The following SMCHD1 variants were observed in gnomAD, a reference collection of about 807,000 sequenced individuals.
SMCHD1 encodes structural maintenance of chromosomes flexible hinge domain containing 1, also known as structural maintenance of chromosomes flexible hinge domain-containing protein 1.
Under a neutral mutation model 254.7 loss-of-function variants are expected in SMCHD1, and 78 were observed. That is an observed-to-expected ratio of 0.31 (90% CI 0.26 to 0.37). The LOEUF is 0.37. Among genes scored for constraint, SMCHD1 ranks in the 10% least tolerant of loss-of-function variants. The pLI, the probability that SMCHD1 is intolerant of heterozygous loss-of-function variation, is 1.00. For synonymous variants in SMCHD1, 766 were observed against 794.9 expected, an observed-to-expected ratio of 0.96 and a Z score of 0.61; for missense variants, 1,840 against 2,408.1, an observed-to-expected ratio of 0.76 and a Z score of 4.94.
At chr18:2,795,878 A>AT (rs1403099436) in intron 45 of SMCHD1, 71 bp from the exon 46 acceptor site, 2 of 1,380,462 alleles carry the variant, frequency 1.4e-6, no homozygotes, top group African/African-American at 1.5e-5. Context: ...AGTGTTGCTC[A>AT]TTTTTTCCCC....
At chr18:2,799,521 A>T (rs2076322034) in intron 47 of SMCHD1, among the ~76,000 whole-genome samples, 1 of 152,066 alleles carries the variant, frequency 6.6e-6, no homozygotes, top group African/African-American at 2.4e-5. Flanking sequence ...AAGTTACATT[A>T]TTATGACTAT....
At position 2,755,565 on chromosome 18, in the gene SMCHD1, C is replaced by CTTTTT. The variant is rs11413061; in HGVS notation, c.4346+3029_4346+3033dup. 5.0e-3 allele frequency among the ~76,000 whole-genome samples: 536 copies of CTTTTT among 108,138 alleles called. 1 individual carries two copies. The highest frequency in any genetic ancestry group is 9.9e-3 in the East Asian group (35 of 3,536). 70.9% of individuals were successfully genotyped at this position (108,138 alleles called of 152,430 possible). On this transcript the variant is annotated intron_variant, in intron 34 of 47. Coordinates refer to ENST00000320876, the MANE Select transcript of SMCHD1 (RefSeq NM_015295.3). ...TTGTGTATTTTCTTTTTCTTTCTTT[C>CTTTTT]TTTTTTTTTTTTTTTTTTTTGAGAT...
At chr18:2,770,947 G>A (rs1044041726) in intron 39 of SMCHD1, among the ~76,000 whole-genome samples, 3 of 152,104 alleles carry the variant, frequency 2.0e-5, no homozygotes, top group African/African-American at 7.2e-5. Context: ...TCTTAATAAT[G>A]TTTCATATAA....
chr18:2,764,794 A>C (rs1413144142), intron 37 of SMCHD1, among the ~76,000 whole-genome samples: 1 of 152,190 alleles, frequency 6.6e-6, no homozygotes, highest in Non-Finnish European at 1.5e-5. Context: ...CATGGATTTG[A>C]GTATCTATGG....
intron 17 of SMCHD1, 87 bp downstream of exon 17, chr18:2,708,007 T>C (rs1167553135): frequency 6.3e-6 from 5 of 798,604 alleles, no homozygotes; most frequent in Non-Finnish European, 7.4e-6. Flanking sequence ...ATTGATGACC[T>C]AGCAATCTGA....
At chr18:2,671,817 C>G (rs2073614912) in intron 3 of SMCHD1, among the ~76,000 whole-genome samples, 1 of 152,008 alleles carries the variant, frequency 6.6e-6, no homozygotes, top group South Asian at 2.1e-4. Context: ...CCAGGATGGT[C>G]TTGATCTTCT....
chr18:2,747,963 CAG>C (rs1368713989), intron 30 of SMCHD1, among the ~76,000 whole-genome samples: 5 of 152,200 alleles, frequency 3.3e-5, no homozygotes, highest in Admixed American at 1.3e-4. Context: ...TGAATGAAGA[CAG>C]ATATCACAGT....
chr18:2,802,682 G>T lies in SMCHD1; in HGVS notation c.*130G>T. On this transcript the variant is annotated 3_prime_UTR_variant, in exon 48 of 48. Transcript: ENST00000320876. ...GGGGACAATACAAGTACCTGGGCAT[G>T]AATTTCCATTTCGATTCAGATGGGA... is the stretch of plus-strand genomic sequence containing the variant. The T allele has an allele frequency of 1.4e-6, 1 of 735,090 alleles. No homozygotes were observed. The highest frequency in any genetic ancestry group is 3.1e-5 in the East Asian group (1 of 32,158). 45.5% of individuals were successfully genotyped at this position (735,090 alleles called of 1,614,324 possible).
chr18:2,760,286 T>C (rs1220767622), intron 34 of SMCHD1: 1 of 167,670 alleles, frequency 6.0e-6, no homozygotes, highest in Non-Finnish European at 1.3e-5. Context: ...CAGGATGTTC[T>C]ATAATTTTGA....
chr18:2,786,431 C>T (rs995055049), intron 45 of SMCHD1, among the ~76,000 whole-genome samples: 3 of 152,096 alleles, frequency 2.0e-5, no homozygotes, highest in Non-Finnish European at 4.4e-5. Context: ...GTGGCTCACA[C>T]CTGTAATCCC....
At chr18:2,668,701 T>C (rs1263224065) in intron 3 of SMCHD1, among the ~76,000 whole-genome samples, 3 of 152,162 alleles carry the variant, frequency 2.0e-5, no homozygotes, top group Admixed American at 1.3e-4. Context: ...TTAGCAGTCC[T>C]TCTCTTCCTC....
chr18:2,786,604 A>G (rs2076244147), intron 45 of SMCHD1, among the ~76,000 whole-genome samples: 1 of 152,142 alleles, frequency 6.6e-6, no homozygotes, highest in South Asian at 2.1e-4. Flanking sequence ...AGGCAGGACC[A>G]TCACTTGAGC....
At chr18:2,720,723 C>T (rs534752848) in intron 19 of SMCHD1, among the ~76,000 whole-genome samples, 3 of 152,276 alleles carry the variant, frequency 2.0e-5, no homozygotes, top group Admixed American at 6.5e-5. Context: ...TAATTTTCCA[C>T]GTGATTTTCC....
chr18:2,678,801 G>T (rs1263592278), intron 5 of SMCHD1, among the ~76,000 whole-genome samples: 1 of 150,928 alleles, frequency 6.6e-6, no homozygotes, highest in East Asian at 2.0e-4. Context: ...TGTCTAGAAT[G>T]TCTTAATCTT....
At chr18:2,795,664 TG>T (rs1341320571) in intron 45 of SMCHD1, among the ~76,000 whole-genome samples, 1 of 152,258 alleles carries the variant, frequency 6.6e-6, no homozygotes, top group Non-Finnish European at 1.5e-5. Flanking sequence ...AACACTGGCT[TG>T]AGAGAGTGAT....
At chr18:2,714,248 T>A (rs900955487) in intron 17 of SMCHD1, among the ~76,000 whole-genome samples, 4 of 152,204 alleles carry the variant, frequency 2.6e-5, no homozygotes, top group Admixed American at 2.6e-4. Flanking sequence ...ATAATTTTTT[T>A]AACTGTTGTT....
At position 2,660,082 on chromosome 18, in the gene SMCHD1, G is replaced by A. The variant is rs534813122; in HGVS notation, c.186+3821G>A. Among the ~76,000 whole-genome samples, 7 of 152,246 alleles carry A rather than the reference G, an allele frequency of 4.6e-5. No individual in the cohort carries two copies. In the South Asian group the frequency reaches 1.0e-3, roughly 23 times the overall value. On this transcript the variant is annotated intron_variant, in intron 1 of 47. Transcript: ENST00000320876. ...CTTACACCTGTAATCCCAACACTTC[G>A]GGAGGCCAAGGCGGGCGGATCACCT...
intron 44 of SMCHD1, among the ~76,000 whole-genome samples, chr18:2,780,813 G>A (rs1306294715): frequency 6.6e-6 from 1 of 152,212 alleles, no homozygotes; most frequent in African/African-American, 2.4e-5. Flanking sequence ...TCATGACCCA[G>A]TACAAGCTGG....
chr18:2,795,117 A>G (rs658499), intron 45 of SMCHD1, among the ~76,000 whole-genome samples: 149,767 of 151,960 alleles, frequency 0.99, 73,834 homozygotes, highest in East Asian at 1. Flanking sequence ...TGAATGGCGC[A>G]ATCTCAGCTC....
Sources: gnomAD v4.1 joint callset for allele counts (sites outside exome capture counted in the v4.1 genomes callset) on GRCh38, gnomAD v4.1.1 for gene constraint, MANE v1.5 for transcripts, NCBI Gene and HGNC (gene_info 2026-07-23, HGNC 2026-07-21) for gene names.